TMED7: variants seen among roughly 807,000 people sequenced by gnomAD.
The protein encoded by TMED7 is transmembrane p24 trafficking protein 7.
A neutral mutation model predicts 23.4 loss-of-function variants in TMED7; 8 were observed. The observed-to-expected ratio is 0.34, with a 90% CI of 0.20 to 0.62. TMED7 has a LOEUF of 0.62. TMED7 is among the 20% of genes least tolerant of loss of function. TMED7 has a pLI of 0.77. For synonymous variants in TMED7, 121 were observed against 108.5 expected (o/e 1.12, Z -0.72); for missense variants, 232 against 279.1 (o/e 0.83, Z 1.20).
At chr5:115,624,169 A>C (rs1228591016) in intron 1 of TMED7, among the ~76,000 whole-genome samples, 1 of 152,192 alleles carries the variant, frequency 6.6e-6, no homozygotes, top group African/African-American at 2.4e-5. Flanking sequence ...ATGTTTATTA[A>C]ATTCAAACAA....
intron 1 of TMED7, 21 bp from the exon 2 acceptor site, chr5:115,620,701 A>C: frequency 7.3e-7 from 1 of 1,370,642 alleles, no homozygotes. Flanking sequence ...TTAAAAAAGA[A>C]AAATCACTGT....
chr5:115,613,530 C>A lies in TMED7; in HGVS notation c.*2679G>T, dbSNP rs1756554627. 1 of 151,948 alleles carries A rather than the reference C, an allele frequency of 6.6e-6. No individual in the cohort carries two copies. Among genetic ancestry groups the A allele is most frequent in the Admixed American group, 6.6e-5 (1 of 15,260 alleles). 9.4% of individuals were successfully genotyped at this position (151,948 alleles called of 1,614,324 possible). ...TGTTGAAAGATTTTTTTTTATTCTACAAGAAATTGATAGGTGCAATCCTGT... is the reference window on the plus strand; with the variant it reads ...TGTTGAAAGATTTTTTTTTATTCTAAAAGAAATTGATAGGTGCAATCCTGT... On this transcript the variant is annotated 3_prime_UTR_variant, in exon 3 of 3. Transcript: ENST00000456936.
In TMED7 at chr5:115,613,600, T is replaced by A. The variant is rs1756558794; in HGVS notation, c.*2609A>T. 6.6e-6 allele frequency: 1 copy of A among 152,138 alleles called. No individual in the cohort carries two copies. The allele number at this position is 152,138 out of a possible 1,614,324, so 9.4% of individuals were successfully genotyped here. A position where few individuals can be genotyped will look rare whatever the true frequency, so the allele number is the denominator to read the frequency against. On this transcript the variant is annotated 3_prime_UTR_variant, in exon 3 of 3. Transcript: ENST00000456936. ...AAGTAAATGAAAAACCCCTCTGAATTATTTATATATTAATTTTTTGAAAAC... is the reference window on the plus strand; with the variant it reads ...AAGTAAATGAAAAACCCCTCTGAATAATTTATATATTAATTTTTTGAAAAC...
chr5:115,617,833 A>G (rs1386086591), intron 2 of TMED7, among the ~76,000 whole-genome samples: 9 of 152,184 alleles, frequency 5.9e-5, no homozygotes, highest in Non-Finnish European at 7.4e-5. Context: ...TCGCTCTGTC[A>G]CCCAGGCTGG....
Position 115,615,988 on chromosome 5 carries a change from T to C in TMED7, c.*221A>G. On this transcript the variant is annotated 3_prime_UTR_variant, in exon 3 of 3. Coordinates refer to ENST00000456936, the MANE Select transcript of TMED7 (RefSeq NM_181836.6). Reference sequence around the variant, plus strand: ...AGAGTAGATCATTGGTGTTGAATATTTAACATGAATAGCCCAAAATGAGTT... The same window carrying C: ...AGAGTAGATCATTGGTGTTGAATATCTAACATGAATAGCCCAAAATGAGTT... 1.7e-6 allele frequency: 1 copy of C among 571,844 alleles called. No individual in the cohort carries two copies. The highest frequency in any genetic ancestry group is 3.1e-6 in the Non-Finnish European group (1 of 321,338). 35.4% of individuals were successfully genotyped at this position (571,844 alleles called of 1,614,324 possible).
At position 115,614,910 on chromosome 5, in the gene TMED7, A is replaced by G. The variant is rs1203093462; in HGVS notation, c.*1299T>C. On this transcript the variant is annotated 3_prime_UTR_variant, in exon 3 of 3. Transcript: ENST00000456936. ...TGGGTAGGGAAGAGAGGCACGGCAG[A>G]AAAGCAGTTGCAATTAAAAAAAAAA... 6.6e-6 allele frequency: 1 copy of G among 151,776 alleles called. No individual in the cohort carries two copies. The highest frequency in any genetic ancestry group is 1.5e-5 in the Non-Finnish European group (1 of 67,922). 9.4% of individuals were successfully genotyped at this position (151,776 alleles called of 1,614,324 possible). A position where few individuals can be genotyped will look rare whatever the true frequency, so the allele number is the denominator to read the frequency against.
In TMED7 at chr5:115,625,976, G is replaced by A. The variant is rs1425797578; in HGVS notation, c.-184C>T. The A allele has an allele frequency of 5.1e-6, 4 of 781,350 alleles. No homozygotes were observed. Among genetic ancestry groups the A allele is most frequent in the Non-Finnish European group, 7.0e-6 (4 of 568,474 alleles). The allele number at this position is 781,350 out of a possible 1,614,324, so 48.4% of individuals were successfully genotyped here. A position where few individuals can be genotyped will look rare whatever the true frequency, so the allele number is the denominator to read the frequency against. On this transcript the variant is annotated 5_prime_UTR_variant, in exon 1 of 3. Transcript: ENST00000456936. Reference sequence around the variant, plus strand: ...CGGCTTCCTGTGAGGGGCGCAGACGGGCGGACCTGGGGAGGTAAAAGAGAA... The same window carrying A: ...CGGCTTCCTGTGAGGGGCGCAGACGAGCGGACCTGGGGAGGTAAAAGAGAA...
chr5:115,621,564 G>A (rs1341426109), intron 1 of TMED7, among the ~76,000 whole-genome samples: 1 of 152,178 alleles, frequency 6.6e-6, no homozygotes, highest in Non-Finnish European at 1.5e-5. Context: ...ACAGAACTGT[G>A]GAACTACTTT....
At chr5:115,623,882 G>C (rs1270914370) in intron 1 of TMED7, among the ~76,000 whole-genome samples, 1 of 152,144 alleles carries the variant, frequency 6.6e-6, no homozygotes, top group Non-Finnish European at 1.5e-5. Context: ...TCAGTCTCTG[G>C]GAGGTAGTAT....
chr5:115,616,526 G>T (rs917399410), intron 2 of TMED7, 81 bp from the exon 3 acceptor site: 3 of 1,581,358 alleles, frequency 1.9e-6, no homozygotes, highest in Admixed American at 3.5e-5. Context: ...CTTTCAATTT[G>T]ATCTCAATTC....
chr5:115,615,253 T>C lies in TMED7; in HGVS notation c.*956A>G, dbSNP rs1346244392. ...AAAAGGAGAGCAACTAACTTTTCAG[T>C]GCATCACATCCATGAGGATAAAATG... On this transcript the variant is annotated 3_prime_UTR_variant, in exon 3 of 3. Coordinates refer to ENST00000456936, the MANE Select transcript of TMED7 (RefSeq NM_181836.6). 1.3e-5 allele frequency: 2 copies of C among 152,596 alleles called. No homozygotes were observed. Among genetic ancestry groups the C allele is most frequent in the African/African-American group, 2.4e-5 (1 of 41,458 alleles). 9.5% of individuals were successfully genotyped at this position (152,596 alleles called of 1,614,324 possible). A position where few individuals can be genotyped will look rare whatever the true frequency, so the allele number is the denominator to read the frequency against.
In TMED7 at chr5:115,625,887, C is replaced by T; in HGVS notation, c.-95G>A. On this transcript the variant is annotated 5_prime_UTR_variant, in exon 1 of 3. Coordinates refer to ENST00000456936, the MANE Select transcript of TMED7 (RefSeq NM_181836.6). ...CGCGGCAGGCCTCAGCGCAGGCCAC[C>T]CCGCAAAGATACACAGCAGAGCAGG... is the stretch of plus-strand genomic sequence containing the variant. 7.6e-7 allele frequency: 1 copy of T among 1,312,896 alleles called. No individual in the cohort carries two copies. The highest frequency in any genetic ancestry group is 2.2e-5 in the South Asian group (1 of 44,894). 81.3% of individuals were successfully genotyped at this position (1,312,896 alleles called of 1,614,324 possible).
intron 1 of TMED7, among the ~76,000 whole-genome samples, chr5:115,624,211 T>C (rs1211575019): frequency 6.6e-6 from 1 of 152,182 alleles, no homozygotes; most frequent in Non-Finnish European, 1.5e-5. Flanking sequence ...TTTATCACAA[T>C]TCCTGCTATC....
At position 115,616,162 on chromosome 5, in the gene TMED7, G is replaced by T; in HGVS notation, c.*47C>A. 6.5e-7 allele frequency: 1 copy of T among 1,549,026 alleles called. No homozygotes were observed. The highest frequency in any genetic ancestry group is 1.1e-5 in the South Asian group (1 of 89,318). On this transcript the variant is annotated 3_prime_UTR_variant, in exon 3 of 3. Transcript: ENST00000456936. ...CTTCAGTACCTAAAATTAATTAGAG[G>T]ACAGCAATATTACAGTGGCAATGGT...
At chr5:115,621,724 G>A (rs565208398) in intron 1 of TMED7, among the ~76,000 whole-genome samples, 2 of 152,258 alleles carry the variant, frequency 1.3e-5, no homozygotes, top group South Asian at 4.1e-4. Context: ...AGAAAGAACT[G>A]AGTAGGAAGA....
intron 1 of TMED7, among the ~76,000 whole-genome samples, chr5:115,621,257 A>C (rs1757019104): frequency 6.6e-6 from 1 of 152,194 alleles, no homozygotes; most frequent in Non-Finnish European, 1.5e-5. Context: ...CCAAATTACA[A>C]ATAGATTACA....
In TMED7 at chr5:115,625,780, C is replaced by T. The variant is rs977345872; in HGVS notation, c.13G>A (p.Gly5Arg). 15 of 1,442,278 alleles carry T rather than the reference C, an allele frequency of 1.0e-5. No homozygotes were observed. In the African/African-American group the frequency reaches 2.1e-4, roughly 20 times the overall value. The allele number at this position is 1,442,278 out of a possible 1,614,324, so 89.3% of individuals were successfully genotyped here. A position where few individuals can be genotyped will look rare whatever the true frequency, so the allele number is the denominator to read the frequency against. Residue 5 changes from glycine (G) to arginine (R), a missense_variant, in exon 1 of 3, where the codon GGG becomes AGG. Gly to Arg is a moderately radical substitution (Grantham distance 125). Around this residue, in one of 2 missense-constraint regions of TMED7, gnomAD observed 106 missense variants for 97.0 expected, o/e 1.09. Coordinates refer to ENST00000456936, the MANE Select transcript of TMED7 (RefSeq NM_181836.6). ...ACGGCCGCCCAGCGCTGCGCGGACC[C>T]CGGCCGCGGCATCCCGAGAAGGCGG... Reference protein sequence around the residue: MPRPGSAQRWAAVAG... With the variant: MPRPRSAQRWAAVAG...
In TMED7 at chr5:115,620,615, G is replaced by A; in HGVS notation, c.258C>T (p.Tyr86=). 1 of 1,591,614 alleles carries A rather than the reference G, an allele frequency of 6.3e-7. No homozygotes were observed. Among genetic ancestry groups the A allele is most frequent in the Non-Finnish European group, 8.5e-7 (1 of 1,170,118 alleles). The change falls in exon 2 of 3, where the codon TAC becomes TAT. Residue 86 remains tyrosine (Y), a synonymous_variant. Transcript: ENST00000456936. The stretch of plus-strand genomic sequence containing the variant: ...TATCATACTGTTTCTTCATCTCTTT[G>A]TATAACACTTTACCATCAGGATCTT... ...RLEDPDGKVL[Y]KEMKKQYDSF...
At chr5:115,624,732 C>A (rs1757142831) in intron 1 of TMED7, among the ~76,000 whole-genome samples, 1 of 152,216 alleles carries the variant, frequency 6.6e-6, no homozygotes, top group Admixed American at 6.5e-5. Context: ...TATTCCCCCT[C>A]CTCCCTTACC....
Sources: allele counts gnomAD v4.1 joint callset (sites outside exome capture counted in the v4.1 genomes callset), GRCh38; gene constraint gnomAD v4.1.1; regional missense constraint gnomAD v4.1.1; transcripts MANE v1.5; gene names NCBI Gene and HGNC (gene_info 2026-07-23, HGNC 2026-07-21).